PAG1: variants seen among roughly 807,000 people sequenced by gnomAD.
PAG1 encodes phosphoprotein associated with glycosphingolipid-enriched microdomains 1.
Under a neutral mutation model 31.7 loss-of-function variants are expected in PAG1, and 23 were observed. The observed-to-expected ratio is 0.73, with a 90% confidence interval of 0.52 to 1.03. The LOEUF (loss-of-function observed/expected upper bound fraction) is 1.03, where lower values mean the gene tolerates loss of function less well. Among genes scored for constraint, PAG1 ranks in the 50% least tolerant of loss-of-function variants. The probability of loss-of-function intolerance (pLI) is 0.00; values close to 1 mark genes in which losing one functional copy is unlikely to be tolerated. For missense variants in PAG1, 473 were observed against 540.7 expected (o/e 0.87, Z 1.24); for synonymous variants, 214 against 210.3 (o/e 1.02, Z -0.15).
intron 3 of PAG1, among the ~76,000 whole-genome samples, chr8:81,018,357 A>G (rs1240413263): frequency 6.6e-6 from 1 of 152,240 alleles, no homozygotes; most frequent in African/African-American, 2.4e-5. Context: ...GCACAATTTA[A>G]TATTTTAATA....
At chr8:81,056,123 A>C (rs1473893995) in intron 2 of PAG1, among the ~76,000 whole-genome samples, 1 of 152,192 alleles carries the variant, frequency 6.6e-6, no homozygotes, top group Non-Finnish European at 1.5e-5. Context: ...TTATTTTGAA[A>C]TATGTCCCAT....
chr8:81,064,551 C>T (rs1381479363), intron 2 of PAG1, among the ~76,000 whole-genome samples: 1 of 152,162 alleles, frequency 6.6e-6, no homozygotes, highest in Admixed American at 6.5e-5. Context: ...TAAAAAAAGA[C>T]CTTGAAGGAC....
At position 81,068,265 on chromosome 8, in the gene PAG1, G is replaced by A. The variant is rs550531454; in HGVS notation, c.-175+1847C>T. On this transcript the variant is annotated intron_variant, in intron 2 of 8. Transcript: ENST00000220597. ...GTTTGAAATACATTTCCAAGGCACA[G>A]GCACATTGGAAGCCTGAAAATGGGT... 3.2e-4 allele frequency among the ~76,000 whole-genome samples: 49 copies of A among 152,262 alleles called. 1 individual carries two copies. The highest frequency in any genetic ancestry group is 1.2e-3 in the African/African-American group (49 of 41,562).
intron 1 of PAG1, among the ~76,000 whole-genome samples, chr8:81,096,015 C>A (rs1323450499): frequency 6.6e-6 from 1 of 152,190 alleles, no homozygotes; most frequent in Non-Finnish European, 1.5e-5. Context: ...AGCGTTTTGT[C>A]TTAATTTTTT....
At chr8:81,029,672 T>C (rs1249105786) in intron 3 of PAG1, 1 of 152,230 alleles carries the variant, frequency 6.6e-6, no homozygotes, top group African/African-American at 2.4e-5. Flanking sequence ...ATTTTCATAA[T>C]CGAACCCCGC....
intron 7 of PAG1, among the ~76,000 whole-genome samples, chr8:80,982,155 T>C (rs1239481017): frequency 6.6e-6 from 1 of 152,190 alleles, no homozygotes; most frequent in Admixed American, 6.5e-5. Flanking sequence ...CATGAGTCAC[T>C]GCGCCCAGCC....
chr8:81,002,754 AT>A (rs1807809137), intron 3 of PAG1, among the ~76,000 whole-genome samples: 1 of 152,204 alleles, frequency 6.6e-6, no homozygotes, highest in Non-Finnish European at 1.5e-5. Context: ...CAGGCAAAAT[AT>A]TTCTTGATTC....
At chr8:81,099,483 G>A (rs1375467451) in intron 1 of PAG1, among the ~76,000 whole-genome samples, 3 of 152,096 alleles carry the variant, frequency 2.0e-5, no homozygotes, top group Non-Finnish European at 4.4e-5. Context: ...TGAGAGTTCC[G>A]ATAACTAAGA....
chr8:81,103,440 C>T (rs10091879), intron 1 of PAG1, among the ~76,000 whole-genome samples: 20,341 of 152,080 alleles, frequency 0.13, 3,135 homozygotes, highest in African/African-American at 0.38. Context: ...CTCCACCCAC[C>T]CATCTGAACC....
intron 2 of PAG1, among the ~76,000 whole-genome samples, chr8:81,065,827 ATATATATGTT>A (rs1808995966): frequency 6.6e-6 from 1 of 150,758 alleles, no homozygotes; most frequent in African/African-American, 2.4e-5. Flanking sequence ...GTATGTGTGT[ATATATATGTT>A]TATATATATC....
chr8:80,997,078 A>G (rs1328175495), intron 3 of PAG1, among the ~76,000 whole-genome samples: 1 of 152,190 alleles, frequency 6.6e-6, no homozygotes, highest in Non-Finnish European at 1.5e-5. Flanking sequence ...CACAAGGACC[A>G]TCTTATTTTA....
chr8:81,055,301 G>A (rs181904973), intron 2 of PAG1, among the ~76,000 whole-genome samples: 175 of 152,094 alleles, frequency 1.2e-3, no homozygotes, highest in African/African-American at 3.9e-3. Context: ...AACTGGGATA[G>A]GAAATTCAGG....
chr8:81,087,413 TA>T (rs1177924123), intron 1 of PAG1, among the ~76,000 whole-genome samples: 1 of 151,440 alleles, frequency 6.6e-6, no homozygotes, highest in East Asian at 1.9e-4. Flanking sequence ...TTGTAACGCC[TA>T]AAATATTTAG....
intron 8 of PAG1, 104 bp downstream of exon 8, chr8:80,980,331 A>C (rs1332694788): frequency 4.3e-6 from 3 of 692,828 alleles, no homozygotes; most frequent in Non-Finnish European, 2.6e-6. Flanking sequence ...GCATAGGAGA[A>C]TATTTCAGCT....
intron 1 of PAG1, among the ~76,000 whole-genome samples, chr8:81,090,214 T>C (rs1260005990): frequency 6.6e-6 from 1 of 152,222 alleles, no homozygotes; most frequent in African/African-American, 2.4e-5. Flanking sequence ...TATCAATCGA[T>C]AGCATTCTAC....
intron 1 of PAG1, among the ~76,000 whole-genome samples, chr8:81,107,328 A>G (rs570039086): frequency 4.8e-4 from 73 of 152,356 alleles, no homozygotes; most frequent in South Asian, 1.4e-3. Context: ...CTGGGGACCA[A>G]GCAAGATAGT....
chr8:80,998,685 C>G (rs1807731467), intron 3 of PAG1, among the ~76,000 whole-genome samples: 1 of 152,032 alleles, frequency 6.6e-6, no homozygotes, highest in Admixed American at 6.6e-5. Flanking sequence ...GGTAGGTTCT[C>G]TGATCATAGC....
chr8:81,093,257 T>G (rs1172592498), intron 1 of PAG1, among the ~76,000 whole-genome samples: 1 of 152,056 alleles, frequency 6.6e-6, no homozygotes, highest in African/African-American at 2.4e-5. Context: ...GCAGCTAGAA[T>G]TGGGGAGATA....
chr8:81,047,030 A>AT (rs1394403225), intron 2 of PAG1, among the ~76,000 whole-genome samples: 1 of 152,066 alleles, frequency 6.6e-6, no homozygotes, highest in African/African-American at 2.4e-5. Context: ...GTTTTCATTC[A>AT]TTTTTATGGC....
Sources: gnomAD v4.1 joint callset for allele counts (sites outside exome capture counted in the v4.1 genomes callset) on GRCh38, gnomAD v4.1.1 for gene constraint, MANE v1.5 for transcripts, NCBI Gene and HGNC (gene_info 2026-07-23, HGNC 2026-07-21) for gene names.